RAPGEF5: variants seen among roughly 807,000 people sequenced by gnomAD.
The protein encoded by RAPGEF5 is M-Ras-regulated GEF.
Under a neutral mutation model 125.2 loss-of-function variants are expected in RAPGEF5, and 65 were observed. That is an observed-to-expected ratio of 0.52 (90% CI 0.43 to 0.64). The LOEUF (loss-of-function observed/expected upper bound fraction) is 0.64, where lower values mean the gene tolerates loss of function less well. Ranked by LOEUF, RAPGEF5 falls within the 30% of genes least tolerant of loss-of-function variation. The pLI, the probability that RAPGEF5 is intolerant of heterozygous loss-of-function variation, is 0.00. For missense variants in RAPGEF5, 958 were observed against 1,048.1 expected, an observed-to-expected ratio of 0.91 and a Z score of 1.19; for synonymous variants, 391 against 385.9, an observed-to-expected ratio of 1.01 and a Z score of -0.16.
Position 22,137,950 on chromosome 7 carries a change from T to C in RAPGEF5, c.2278-967A>G, listed in dbSNP as rs552240177. 1.5e-4 allele frequency among the ~76,000 whole-genome samples: 23 copies of C among 152,062 alleles called. 1 individual carries two copies. The South Asian group carries it at 4.8e-3, about 32-fold the overall frequency. On this transcript the variant is annotated intron_variant, in intron 21 of 25. Transcript: ENST00000665637. ...GATAGATTTTTTTCGATGTGGTAAT[T>C]TTGAATATGGACTCAGTTTATCACA...
chr7:22,149,765 G>A, intron 18 of RAPGEF5, among the ~76,000 whole-genome samples: 1 of 152,104 alleles, frequency 6.6e-6, no homozygotes, highest in African/African-American at 2.4e-5. Context: ...AATCCACCTA[G>A]GATGCATTTC....
At chr7:22,276,358 T>C (rs1188434051) in intron 6 of RAPGEF5, among the ~76,000 whole-genome samples, 1 of 152,226 alleles carries the variant, frequency 6.6e-6, no homozygotes, top group Non-Finnish European at 1.5e-5. Context: ...TTACTACGTC[T>C]TTTATTCTAT....
chr7:22,135,918 T>A, intron 23 of RAPGEF5, 120 bp downstream of exon 23: 1 of 694,366 alleles, frequency 1.4e-6, no homozygotes, highest in Non-Finnish European at 2.3e-6. Flanking sequence ...CACAATTAGG[T>A]CTGAATGTCA....
intron 5 of RAPGEF5, among the ~76,000 whole-genome samples, chr7:22,307,178 C>T (rs1783361339): frequency 6.6e-6 from 1 of 152,110 alleles, no homozygotes; most frequent in African/African-American, 2.4e-5. Flanking sequence ...TTATTCTAAT[C>T]CATGAACATG....
Position 22,230,857 on chromosome 7 carries a change from G to C in RAPGEF5, c.859C>G (p.Pro287Ala). 1 of 1,566,402 alleles carries C rather than the reference G, an allele frequency of 6.4e-7. No individual in the cohort carries two copies. The highest frequency in any genetic ancestry group is 8.7e-7 in the Non-Finnish European group (1 of 1,153,510). The stretch of plus-strand genomic sequence containing the variant: ...AGAATTGATCATACCTGAGAATCTG[G>C]AACACTTTCGGCTTCTGTTACAGCT... ...HVAVTEAESV[P>A]DSQAGVMCKL... The change falls in exon 8 of 26, where the codon CCA (proline) becomes GCA (alanine). Residue 287 changes from proline (P) to alanine (A), a missense_variant. Pro to Ala is a conservative substitution (Grantham distance 27, BLOSUM62 -1). Coordinates refer to ENST00000665637, the MANE Select transcript of RAPGEF5 (RefSeq NM_012294.5).
intron 1 of RAPGEF5, among the ~76,000 whole-genome samples, chr7:22,351,410 T>C (rs1413769989): frequency 6.6e-6 from 1 of 152,200 alleles, no homozygotes; most frequent in East Asian, 1.9e-4. Context: ...TATCACAGTT[T>C]AGAGTAAATA....
At chr7:22,272,920 C>T (rs1261032405) in intron 6 of RAPGEF5, among the ~76,000 whole-genome samples, 1 of 151,934 alleles carries the variant, frequency 6.6e-6, no homozygotes, top group Non-Finnish European at 1.5e-5. Context: ...CCATGCCCAG[C>T]TAATTTGTTT....
intron 11 of RAPGEF5, chr7:22,191,626 C>T (rs1378941459): frequency 4.3e-6 from 2 of 470,566 alleles, no homozygotes; most frequent in Non-Finnish European, 8.8e-6. Context: ...CACATGTGAT[C>T]CCAGGGGTTG....
intron 1 of RAPGEF5, among the ~76,000 whole-genome samples, chr7:22,329,614 A>G (rs2128157386): frequency 6.6e-6 from 1 of 152,358 alleles, no homozygotes; most frequent in East Asian, 1.9e-4. Context: ...TAAGATCAAC[A>G]ATACCCAATA....
chr7:22,125,065 CATTA>C (rs1218443283), intron 25 of RAPGEF5, among the ~76,000 whole-genome samples: 3 of 152,154 alleles, frequency 2.0e-5, no homozygotes, highest in African/African-American at 7.2e-5. Context: ...TTCCTACATA[CATTA>C]GTCTCAGTGG....
chr7:22,176,736 G>A (rs972599607), intron 11 of RAPGEF5, among the ~76,000 whole-genome samples: 9 of 152,048 alleles, frequency 5.9e-5, no homozygotes, highest in African/African-American at 2.2e-4. Context: ...TTACCATGTT[G>A]GTCAGGCTGG....
intron 9 of RAPGEF5, among the ~76,000 whole-genome samples, chr7:22,199,378 T>C (rs1358458137): frequency 2.6e-5 from 4 of 151,946 alleles, no homozygotes; most frequent in African/African-American, 9.7e-5. Context: ...TCTATGCAAC[T>C]TGGAACACAG....
chr7:22,292,022 T>C (rs1170225803), intron 5 of RAPGEF5, among the ~76,000 whole-genome samples: 1 of 152,224 alleles, frequency 6.6e-6, no homozygotes, highest in African/African-American at 2.4e-5. Context: ...ACTAATGCTA[T>C]TGAATATATA....
intron 6 of RAPGEF5, among the ~76,000 whole-genome samples, chr7:22,276,026 T>C (rs1250811469): frequency 1.3e-5 from 2 of 152,224 alleles, no homozygotes; most frequent in Admixed American, 6.5e-5. Flanking sequence ...CAACCTCTGA[T>C]TGGTAATTTC....
rs1045577426 is a variant in RAPGEF5, at chr7:22,355,962, G to C, written c.231+868C>G. 11 of 985,274 alleles carry C rather than the reference G, an allele frequency of 1.1e-5. No homozygotes were observed. In the African/African-American group the frequency reaches 1.9e-4, roughly 17 times the overall value. 61.0% of individuals were successfully genotyped at this position (985,274 alleles called of 1,614,324 possible). A position where few individuals can be genotyped will look rare whatever the true frequency, so the allele number is the denominator to read the frequency against. ...ACCACTTAATAATAAATTTTTAAAA[G>C]ATGAGTAGAACCCACCAAAGGTGCC... On this transcript the variant is annotated intron_variant, in intron 1 of 25. Transcript: ENST00000665637.
At chr7:22,209,043 T>C (rs1785454470) in intron 9 of RAPGEF5, among the ~76,000 whole-genome samples, 1 of 152,180 alleles carries the variant, frequency 6.6e-6, no homozygotes, top group South Asian at 2.1e-4. Flanking sequence ...GTGCCAAGAT[T>C]ATGAGTAATA....
chr7:22,149,772 T>C (rs78371849), intron 18 of RAPGEF5, among the ~76,000 whole-genome samples: 3,587 of 152,246 alleles, frequency 0.024, 50 homozygotes, highest in Middle Eastern at 0.065. Flanking sequence ...CTAGGATGCA[T>C]TTCTCAGCCT....
intron 21 of RAPGEF5, among the ~76,000 whole-genome samples, chr7:22,137,900 T>C (rs1198909080): frequency 6.6e-6 from 1 of 152,154 alleles, no homozygotes; most frequent in East Asian, 1.9e-4. Context: ...ACTCCTACAA[T>C]AATTAGACTT....
chr7:22,341,422 C>T (rs1784127543), intron 1 of RAPGEF5, among the ~76,000 whole-genome samples: 1 of 152,198 alleles, frequency 6.6e-6, no homozygotes. Context: ...CCGGCCCCTC[C>T]CAAATCTCAT....
Sources: allele counts gnomAD v4.1 joint callset (sites outside exome capture counted in the v4.1 genomes callset), GRCh38; gene constraint gnomAD v4.1.1; transcripts MANE v1.5; gene names NCBI Gene and HGNC (gene_info 2026-07-23, HGNC 2026-07-21).